Variants in ZBTB17 observed in about 807,000 individuals in gnomAD.
ZBTB17 encodes zinc finger and BTB domain containing 17.
ZBTB17 carries 24 observed loss-of-function variants against 85.1 expected under a neutral mutation model. The observed-to-expected ratio is 0.28, with a 90% CI of 0.20 to 0.40. The LOEUF is 0.40. Among genes scored for constraint, ZBTB17 ranks in the 10% least tolerant of loss-of-function variants. The pLI is 1.00. For synonymous variants in ZBTB17, 464 were observed against 460.2 expected (o/e 1.01, Z -0.11); for missense variants, 743 against 1,105.1 (o/e 0.67, Z 4.65).
intron 13 of ZBTB17, 89 bp from the exon 14 acceptor site, chr1:15,942,827 C>T: frequency 6.7e-7 from 1 of 1,497,184 alleles, no homozygotes; most frequent in Non-Finnish European, 9.1e-7. Context: ...GCCCAGCAAC[C>T]CTGTCTTTTA....
In ZBTB17 at chr1:15,942,316, G is replaced by T; in HGVS notation, c.2128+15C>A. 6.2e-7 allele frequency: 1 copy of T among 1,613,950 alleles called. No homozygotes were observed. Among genetic ancestry groups the T allele is most frequent in the Non-Finnish European group, 8.5e-7 (1 of 1,180,008 alleles). On this transcript the variant is annotated intron_variant, in intron 15 of 15. Coordinates refer to ENST00000375743, the MANE Select transcript of ZBTB17 (RefSeq NM_003443.3). Reference sequence around the variant, plus strand: ...CGGGCTCTGCCCACATTCACACCCGGGTGGCCCCCCTCACCTTCTTCCTGC... The same window carrying T: ...CGGGCTCTGCCCACATTCACACCCGTGTGGCCCCCCTCACCTTCTTCCTGC...
In ZBTB17 at chr1:15,975,848, C is replaced by T. The variant is rs570329533; in HGVS notation, c.-90+135G>A. On this transcript the variant is annotated intron_variant, in intron 1 of 15. Transcript: ENST00000375743. ...TCCCGCCCAGCGGTGTCCCCTCAGC[C>T]CCGGTTGGCGTCCCATTCCACTTCC... 13 of 594,758 alleles carry T rather than the reference C, an allele frequency of 2.2e-5. No individual in the cohort carries two copies. In the East Asian group the frequency reaches 3.2e-4, roughly 15 times the overall value. The allele number at this position is 594,758 out of a possible 1,614,324, so 36.8% of individuals were successfully genotyped here.
chr1:15,948,052 C>G (rs1200413537), intron 3 of ZBTB17: 2 of 590,700 alleles, frequency 3.4e-6, no homozygotes, highest in Non-Finnish European at 3.1e-6. Context: ...TCACTGCGGC[C>G]TAGAGCTCAT....
intron 1 of ZBTB17, among the ~76,000 whole-genome samples, chr1:15,975,237 T>G (rs2072823605): frequency 1.3e-5 from 2 of 152,250 alleles, no homozygotes. Context: ...TCTAGGAGCC[T>G]CATTTCCCCT....
At position 15,941,926 on chromosome 1, in the gene ZBTB17, G is replaced by A. The variant is rs1487614511; in HGVS notation, c.*43C>T. 1.9e-6 allele frequency: 3 copies of A among 1,559,130 alleles called. No individual in the cohort carries two copies. The highest frequency in any genetic ancestry group is 2.6e-6 in the Non-Finnish European group (3 of 1,156,718). Reference sequence around the variant, plus strand: ...AACAGGCCACCCTTCCCGGTTCCAGGGTGCCATCCATCCTTAAATAAACAG... The same window carrying A: ...AACAGGCCACCCTTCCCGGTTCCAGAGTGCCATCCATCCTTAAATAAACAG... On this transcript the variant is annotated 3_prime_UTR_variant, in exon 16 of 16. Transcript: ENST00000375743.
intron 5 of ZBTB17, 102 bp from the exon 6 acceptor site, chr1:15,945,942 AG>A: frequency 6.4e-7 from 1 of 1,561,116 alleles, no homozygotes; most frequent in Non-Finnish European, 8.7e-7. Context: ...GTGACCCAGG[AG>A]GGGAGGCCCC....
At chr1:15,957,671 A>G (rs2072100212) in intron 2 of ZBTB17, among the ~76,000 whole-genome samples, 1 of 152,188 alleles carries the variant, frequency 6.6e-6, no homozygotes, top group South Asian at 2.1e-4. Flanking sequence ...CAGTTAGGCT[A>G]CTACAGTAGA....
intron 3 of ZBTB17, 145 bp from the exon 4 acceptor site, chr1:15,947,268 G>T: frequency 1.2e-6 from 1 of 813,220 alleles, no homozygotes; most frequent in Non-Finnish European, 1.9e-6. Flanking sequence ...TCTGTGGAGA[G>T]GAGGCAGGTA....
At chr1:15,954,163 T>C (rs1475893332) in intron 2 of ZBTB17, among the ~76,000 whole-genome samples, 2 of 152,224 alleles carry the variant, frequency 1.3e-5, no homozygotes, top group African/African-American at 4.8e-5. Context: ...ACAACTGTTC[T>C]GTTAAACCCC....
chr1:15,975,443 T>TG (rs2072834432), intron 1 of ZBTB17, among the ~76,000 whole-genome samples: 1 of 152,158 alleles, frequency 6.6e-6, no homozygotes, highest in East Asian at 1.9e-4. Flanking sequence ...CCCGCATCAC[T>TG]CGCTCTAGCT....
At chr1:15,944,014 CTA>C in intron 9 of ZBTB17, 119 bp from the exon 10 acceptor site, 1 of 1,095,358 alleles carries the variant, frequency 9.1e-7, no homozygotes, top group Non-Finnish European at 1.4e-6. Flanking sequence ...GTGAAGGGCT[CTA>C]TCTCTCCTGG....
rs906375350 is a variant in ZBTB17 at position 15,964,722 on chromosome 1, A to T, written c.-3+8317T>A. On this transcript the variant is annotated intron_variant, in intron 2 of 15. Transcript: ENST00000375743. The surrounding 1 kb of genome is among the most constrained non-coding windows in gnomAD (Gnocchi z 4.3). ...ACAGAGCGAGACCCTGTCTCAGAAA[A>T]AAATAAAATGAAAATGGAAGAGCAA... Among the ~76,000 whole-genome samples the T allele has an allele frequency of 6.6e-6, 1 of 152,174 alleles. No homozygotes were observed. Among genetic ancestry groups the T allele is most frequent in the African/African-American group, 2.4e-5 (1 of 41,458 alleles).
At chr1:15,971,331 A>G (rs926621195) in intron 2 of ZBTB17, among the ~76,000 whole-genome samples, 7 of 144,462 alleles carry the variant, frequency 4.8e-5, no homozygotes, top group Admixed American at 2.8e-4. Flanking sequence ...GTATGTGTGT[A>G]TGTATATATA....
At position 15,941,921 on chromosome 1, in the gene ZBTB17, T is replaced by C. The variant is rs1211414775; in HGVS notation, c.*48A>G. 4 of 1,555,146 alleles carry C rather than the reference T, an allele frequency of 2.6e-6. No homozygotes were observed. Among genetic ancestry groups the C allele is most frequent in the Non-Finnish European group, 3.5e-6 (4 of 1,154,434 alleles). ...TAGGGAACAGGCCACCCTTCCCGGT[T>C]CCAGGGTGCCATCCATCCTTAAATA... is the stretch of plus-strand genomic sequence containing the variant. On this transcript the variant is annotated 3_prime_UTR_variant, in exon 16 of 16. Coordinates refer to ENST00000375743, the MANE Select transcript of ZBTB17 (RefSeq NM_003443.3).
chr1:15,943,224 G>T (rs766891895), intron 12 of ZBTB17, 30 bp from the exon 13 acceptor site: 5 of 1,614,062 alleles, frequency 3.1e-6, no homozygotes, highest in Non-Finnish European at 4.2e-6. Context: ...GACTCGCATG[G>T]AACTGCCCCA....
rs746467058 is a variant in ZBTB17 at position 15,942,130 on chromosome 1, C to T, written c.2251G>A (p.Ala751Thr). 1.9e-5 allele frequency: 30 copies of T among 1,613,398 alleles called. No homozygotes were observed. The highest frequency in any genetic ancestry group is 2.4e-5 in the Non-Finnish European group (28 of 1,180,046). The change falls in exon 16 of 16, where the codon GCG (alanine) becomes ACG (threonine). Residue 751 changes from alanine to threonine, a missense_variant. Ala to Thr is a moderately conservative substitution (Grantham distance 58, BLOSUM62 0). Transcript: ENST00000375743. The stretch of plus-strand genomic sequence containing the variant: ...GGCCCATACTGCTGATAGAAGTCCG[C>T]GTCTGTCTGGAACATGACCAGTGCC... ...AQALVMFQTD[A>T]DFYQQYGPGG...
At chr1:15,958,136 C>T (rs1445453519) in intron 2 of ZBTB17, among the ~76,000 whole-genome samples, 4 of 152,184 alleles carry the variant, frequency 2.6e-5, no homozygotes, top group South Asian at 2.1e-4. Context: ...ACCATAAATA[C>T]GAGTGTGCAA....
At chr1:15,970,242 G>A (rs2072596480) in intron 2 of ZBTB17, 1 of 435,266 alleles carries the variant, frequency 2.3e-6, no homozygotes, top group Admixed American at 3.9e-5. Context: ...ATTTTTGAAG[G>A]GTGAGGAGGA....
intron 2 of ZBTB17, chr1:15,969,712 C>G: frequency 4.2e-6 from 2 of 476,626 alleles, no homozygotes; most frequent in South Asian, 3.1e-5. Context: ...CCCAGACTGG[C>G]TCAACACCAG....
Sources: gnomAD v4.1 joint callset for allele counts (sites outside exome capture counted in the v4.1 genomes callset) on GRCh38, gnomAD v4.1.1 for gene constraint, Gnocchi (gnomAD v3.1) non-coding constraint, MANE v1.5 for transcripts, NCBI Gene and HGNC (gene_info 2026-07-23, HGNC 2026-07-21) for gene names.